The following MYEF2 variants were observed in gnomAD, a reference collection of about 807,000 sequenced individuals.
MYEF2 encodes the protein myelin gene expression factor 2.
Under a neutral mutation model 75.2 loss-of-function variants are expected in MYEF2, and 37 were observed. That is an observed-to-expected ratio of 0.49 (90% confidence interval 0.38 to 0.65). MYEF2 has a LOEUF of 0.65. MYEF2 is among the 30% of genes least tolerant of loss of function. The pLI, the probability that MYEF2 is intolerant of heterozygous loss-of-function variation, is 0.00. For missense variants in MYEF2, 634 were observed against 771.4 expected (o/e 0.82, Z 2.11); for synonymous variants, 195 against 241.6 (o/e 0.81, Z 1.79).
At chr15:48,153,067 G>C (rs1408126133) in intron 10 of MYEF2, 1 of 148,878 alleles carries the variant, frequency 6.7e-6, no homozygotes, top group Non-Finnish European at 1.5e-5. Context: ...AAAAACTAAA[G>C]TGCAGAAACA....
At chr15:48,143,550 C>T (rs1055548266) in intron 16 of MYEF2, among the ~76,000 whole-genome samples, 4 of 152,084 alleles carry the variant, frequency 2.6e-5, no homozygotes, top group Non-Finnish European at 4.4e-5. Context: ...AATCTAATTT[C>T]TATCAGGCTA....
chr15:48,151,438 C>A, intron 13 of MYEF2, 35 bp downstream of exon 13: 1 of 1,576,420 alleles, frequency 6.3e-7, no homozygotes, highest in Admixed American at 1.7e-5. Flanking sequence ...TTATAGCCTA[C>A]AAAAAGAAAA....
In MYEF2 at chr15:48,142,376, A is replaced by T. The variant is rs1480852583; in HGVS notation, c.*532T>A. On this transcript the variant is annotated 3_prime_UTR_variant, in exon 17 of 17. Coordinates refer to ENST00000324324, the MANE Select transcript of MYEF2 (RefSeq NM_016132.5). Reference sequence around the variant, plus strand: ...ATATTATTAATAGTGTTATGCAGAAAATATGAATGGCAGGGAGGGGCAGAG... The same window carrying T: ...ATATTATTAATAGTGTTATGCAGAATATATGAATGGCAGGGAGGGGCAGAG... 1.4e-6 allele frequency: 2 copies of T among 1,428,588 alleles called. No individual in the cohort carries two copies. The highest frequency in any genetic ancestry group is 1.9e-6 in the Non-Finnish European group (2 of 1,056,910). 88.5% of individuals were successfully genotyped at this position (1,428,588 alleles called of 1,614,324 possible). A position where few individuals can be genotyped will look rare whatever the true frequency, so the allele number is the denominator to read the frequency against.
intron 1 of MYEF2, among the ~76,000 whole-genome samples, chr15:48,176,219 TAAAAAAAA>T (rs1023560411): frequency 1.6e-5 from 1 of 63,104 alleles, no homozygotes; most frequent in Admixed American, 1.7e-4. Context: ...GTTCACGAAG[TAAAAAAAA>T]AAAAAAAAAA....
At position 48,178,134 on chromosome 15, in the gene MYEF2, G is replaced by T. The variant is rs747436147; in HGVS notation, c.104C>A (p.Pro35His). The change falls in exon 1 of 17, where the codon CCC becomes CAC. Residue 35 changes from proline to histidine, a missense_variant. By Grantham distance (77) the Pro-to-His change is moderately conservative. Coordinates refer to ENST00000324324, the MANE Select transcript of MYEF2 (RefSeq NM_016132.5). ...CGGCTGCTGCTTCTCCGCCTCCGCG[G>T]GGTGCGGCTCTCGCCGCGGCTCGCC... ...PPGEPRREPH[P>H]AEAEKQQPQH... is the part of the protein sequence containing the mutation. The T allele has an allele frequency of 7.7e-5, 122 of 1,585,868 alleles. 1 individual carries two copies. The highest frequency in any genetic ancestry group is 3.6e-4 in the Middle Eastern group (2 of 5,584).
At position 48,136,902 on chromosome 15, in the gene MYEF2, T is replaced by C. The variant is rs1187600689; in HGVS notation, c.*6006A>G. ...CAAGAACTGATAGTGGAATATTTTA[T>C]GAAGATTCTGGCTACTCTCAGCTCT... On this transcript the variant is annotated 3_prime_UTR_variant, in exon 17 of 17. Transcript: ENST00000324324. 6.2e-7 allele frequency: 1 copy of C among 1,613,876 alleles called. No homozygotes were observed. The highest frequency in any genetic ancestry group is 8.5e-7 in the Non-Finnish European group (1 of 1,179,796).
intron 9 of MYEF2, among the ~76,000 whole-genome samples, chr15:48,154,693 T>C (rs1275951776): frequency 6.6e-6 from 1 of 152,092 alleles, no homozygotes; most frequent in Non-Finnish European, 1.5e-5. Context: ...AAACCCAAAA[T>C]TGAGAGAATT....
intron 2 of MYEF2, 41 bp downstream of exon 2, chr15:48,168,590 A>G (rs765054899): frequency 6.5e-7 from 1 of 1,530,860 alleles, no homozygotes; most frequent in Admixed American, 1.7e-5. Flanking sequence ...CCCTGCCTAT[A>G]TGAAGATTAT....
chr15:48,162,287 C>T (rs543428568), intron 5 of MYEF2, among the ~76,000 whole-genome samples: 1 of 152,220 alleles, frequency 6.6e-6, no homozygotes, highest in East Asian at 1.9e-4. Context: ...ATTTTGAGCA[C>T]TGTGCTTAGT....
At chr15:48,168,240 A>G (rs1399363366) in intron 2 of MYEF2, among the ~76,000 whole-genome samples, 1 of 152,098 alleles carries the variant, frequency 6.6e-6, no homozygotes, top group Non-Finnish European at 1.5e-5. Context: ...CCACCAAGAT[A>G]GTAACAAAAC....
At chr15:48,154,761 A>G (rs974534406) in intron 9 of MYEF2, among the ~76,000 whole-genome samples, 2 of 152,178 alleles carry the variant, frequency 1.3e-5, no homozygotes, top group African/African-American at 4.8e-5. Context: ...CAGGGGAAAA[A>G]AATTAGTGCC....
In MYEF2 at chr15:48,152,379, A is replaced by G. The variant is rs2039524230; in HGVS notation, c.1088-95T>C. 4 of 1,031,756 alleles carry G rather than the reference A, an allele frequency of 3.9e-6. No homozygotes were observed. In the East Asian group the frequency reaches 9.6e-5, roughly 25 times the overall value. 63.9% of individuals were successfully genotyped at this position (1,031,756 alleles called of 1,614,324 possible). ...TTATAGCAAAATAGATACCACTGGT[A>G]TAACCACAATGAAACACTAGAGAAG... is the stretch of plus-strand genomic sequence containing the variant. On this transcript the variant is annotated intron_variant, in intron 10 of 16. Coordinates refer to ENST00000324324, the MANE Select transcript of MYEF2 (RefSeq NM_016132.5).
At position 48,137,201 on chromosome 15, in the gene MYEF2, A is replaced by G; in HGVS notation, c.*5707T>C. ...GAAAAATAAAGTGTGACTGTGGTTC[A>G]CAAATGGGACAGATTGCCAAAATGT... On this transcript the variant is annotated 3_prime_UTR_variant, in exon 17 of 17. Transcript: ENST00000324324. 1 of 431,710 alleles carries G rather than the reference A, an allele frequency of 2.3e-6. No homozygotes were observed. The highest frequency in any genetic ancestry group is 4.1e-6 in the Non-Finnish European group (1 of 246,722). The allele number at this position is 431,710 out of a possible 1,614,324, so 26.7% of individuals were successfully genotyped here. A position where few individuals can be genotyped will look rare whatever the true frequency, so the allele number is the denominator to read the frequency against.
intron 5 of MYEF2, among the ~76,000 whole-genome samples, chr15:48,163,371 C>T (rs1050328869): frequency 6.6e-6 from 1 of 152,212 alleles, no homozygotes; most frequent in African/African-American, 2.4e-5. Flanking sequence ...AAGGCCTTAA[C>T]TCTCTTCAAT....
rs2039034721 is a variant in MYEF2 at position 48,140,548 on chromosome 15, G to A, written c.*2360C>T. The A allele has an allele frequency of 6.6e-6, 1 of 151,946 alleles. No individual in the cohort carries two copies. 9.4% of individuals were successfully genotyped at this position (151,946 alleles called of 1,614,324 possible). A position where few individuals can be genotyped will look rare whatever the true frequency, so the allele number is the denominator to read the frequency against. ...TTTAACAGAAGTATTAATAAATTGG[G>A]ACCATATGTTAGACTCAAGTAGAAA... is the stretch of plus-strand genomic sequence containing the variant. On this transcript the variant is annotated 3_prime_UTR_variant, in exon 17 of 17. Coordinates refer to ENST00000324324, the MANE Select transcript of MYEF2 (RefSeq NM_016132.5).
At chr15:48,175,845 A>G in intron 1 of MYEF2, among the ~76,000 whole-genome samples, 1 of 152,188 alleles carries the variant, frequency 6.6e-6, no homozygotes, top group East Asian at 1.9e-4. Flanking sequence ...GTTAAAGAAG[A>G]AGACTACAGT....
rs150700445 is a variant in MYEF2 at position 48,136,865 on chromosome 15, T to G, written c.*6043A>C. On this transcript the variant is annotated 3_prime_UTR_variant, in exon 17 of 17. Transcript: ENST00000324324. ...TGGGAAGATGAAGGTCAACCATTCA[T>G]TCGTCGGCAATCAAGAACTGATAGT... is the stretch of plus-strand genomic sequence containing the variant. 6.2e-7 allele frequency: 1 copy of G among 1,613,754 alleles called. No homozygotes were observed. Among genetic ancestry groups the G allele is most frequent in the African/African-American group, 1.3e-5 (1 of 74,912 alleles).
intron 1 of MYEF2, among the ~76,000 whole-genome samples, chr15:48,172,337 T>G (rs2040370687): frequency 6.6e-6 from 1 of 150,778 alleles, no homozygotes; most frequent in South Asian, 2.1e-4. Context: ...GAGGCAGAGG[T>G]TGCAGTGAGC....
intron 1 of MYEF2, 50 bp downstream of exon 1, chr15:48,178,027 A>AG (rs1338126529): frequency 6.5e-7 from 1 of 1,550,142 alleles, no homozygotes; most frequent in Non-Finnish European, 8.7e-7. Flanking sequence ...GCCGCCCGGT[A>AG]GACTCCCCGC....
Sources: allele counts gnomAD v4.1 joint callset (sites outside exome capture counted in the v4.1 genomes callset), GRCh38; gene constraint gnomAD v4.1.1; transcripts MANE v1.5; gene names NCBI Gene and HGNC (gene_info 2026-07-23, HGNC 2026-07-21).